THADA: variants seen among roughly 807,000 people sequenced by gnomAD.
THADA encodes tRNA (32-2'-O)-methyltransferase regulator THADA.
Under a neutral mutation model 219.8 loss-of-function variants are expected in THADA, and 213 were observed. The ratio of observed to expected loss-of-function variants is 0.97; its 90% CI spans 0.87 to 1.09. The LOEUF is 1.09. Among genes scored for constraint, THADA ranks in the 50% least tolerant of loss-of-function variants. The pLI is 0.00. For missense variants in THADA, 2,956 were observed against 2,311.3 expected (o/e 1.28, Z -5.72); for synonymous variants, 1,018 against 828.9 (o/e 1.23, Z -3.92).
rs966525133 is a variant in THADA, at chr2:43,320,557, C to T, written c.4344-17G>A. The T allele has an allele frequency of 6.9e-6, 11 of 1,589,734 alleles. No homozygotes were observed. The highest frequency in any genetic ancestry group is 9.5e-6 in the Non-Finnish European group (11 of 1,162,066). On this transcript the variant is annotated splice_polypyrimidine_tract_variant and intron_variant, in intron 30 of 37. Coordinates refer to ENST00000405975, the MANE Select transcript of THADA (RefSeq NM_022065.5). Reference sequence around the variant, plus strand: ...GGATTTTGCCTAGAAAGGTAAAGAACAGAATATAAATTGAGATTTTCTCTC... The same window carrying T: ...GGATTTTGCCTAGAAAGGTAAAGAATAGAATATAAATTGAGATTTTCTCTC...
At chr2:43,527,854 G>T in intron 22 of THADA, 25 bp downstream of exon 22, 5 of 1,497,826 alleles carry the variant, frequency 3.3e-6, no homozygotes, top group East Asian at 2.3e-5. Flanking sequence ...TTTTTAAAAC[G>T]TACACAAAAG....
At chr2:43,499,026 TA>T in intron 24 of THADA, 71 bp from the exon 25 acceptor site, 1 of 1,442,904 alleles carries the variant, frequency 6.9e-7, no homozygotes, top group Non-Finnish European at 9.2e-7. Flanking sequence ...ACATATCCAA[TA>T]GTACAGCTTC....
At chr2:43,488,443 A>G (rs1687179414) in intron 25 of THADA, among the ~76,000 whole-genome samples, 1 of 152,070 alleles carries the variant, frequency 6.6e-6, no homozygotes, top group South Asian at 2.1e-4. Flanking sequence ...TGCGGCCTTT[A>G]ATGTTTGGCT....
chr2:43,348,429 ATACT>A (rs1404347939), intron 29 of THADA, among the ~76,000 whole-genome samples: 3 of 152,250 alleles, frequency 2.0e-5, no homozygotes, highest in Non-Finnish European at 4.4e-5. Context: ...AAAAAATAAA[ATACT>A]TACTGAACCC....
At chr2:43,416,442 G>C (rs2104775383) in intron 28 of THADA, among the ~76,000 whole-genome samples, 1 of 152,268 alleles carries the variant, frequency 6.6e-6, no homozygotes, top group Non-Finnish European at 1.5e-5. Flanking sequence ...TATATATTTT[G>C]TTAATGCTCC....
intron 19 of THADA, among the ~76,000 whole-genome samples, chr2:43,551,372 T>C (rs1048786193): frequency 2.6e-5 from 4 of 152,164 alleles, no homozygotes; most frequent in Non-Finnish European, 5.9e-5. Context: ...AATATCTGCA[T>C]TGTACTTAAT....
intron 31 of THADA, among the ~76,000 whole-genome samples, chr2:43,295,831 AG>A (rs1254295100): frequency 6.6e-6 from 1 of 152,020 alleles, no homozygotes; most frequent in Non-Finnish European, 1.5e-5. Flanking sequence ...AGTCTGTCAC[AG>A]GGGGCAAAAT....
chr2:43,541,311 C>G lies in THADA; in HGVS notation c.3112G>C (p.Glu1038Gln). The change falls in exon 21 of 38, where the codon GAA (glutamate) becomes CAA (glutamine). Residue 1038 changes from glutamate (E) to glutamine (Q), a missense_variant. Glu to Gln is a conservative substitution (Grantham distance 29). Coordinates refer to ENST00000405975, the MANE Select transcript of THADA (RefSeq NM_022065.5). ...IDTSTEIKGK[E>Q]VKTCDVTAQM... ...GCAGTTACATCACATGTTTTTACTT[C>G]TTTACCTTAAACAAAAAAAAACACA... The G allele has an allele frequency of 1.2e-6, 2 of 1,612,690 alleles. No individual in the cohort carries two copies. Among genetic ancestry groups the G allele is most frequent in the Non-Finnish European group, 1.7e-6 (2 of 1,179,360 alleles).
At chr2:43,573,091 T>A (rs1699480970) in intron 11 of THADA, 99 bp from the exon 12 acceptor site, 1 of 981,046 alleles carries the variant, frequency 1.0e-6, no homozygotes, top group Non-Finnish European at 1.4e-6. Context: ...TTTATTTCAA[T>A]AAATAAAAAT....
chr2:43,579,846 G>A (rs538866501), intron 8 of THADA, among the ~76,000 whole-genome samples: 2 of 152,214 alleles, frequency 1.3e-5, no homozygotes, highest in South Asian at 2.1e-4. Flanking sequence ...GAAAATGTGT[G>A]GGTCGTACAC....
At chr2:43,312,565 T>C (rs1677633970) in intron 31 of THADA, among the ~76,000 whole-genome samples, 1 of 152,192 alleles carries the variant, frequency 6.6e-6, no homozygotes, top group Non-Finnish European at 1.5e-5. Context: ...ACATACCCTA[T>C]ATTATTCTGA....
chr2:43,367,632 G>A (rs11691969), intron 29 of THADA, among the ~76,000 whole-genome samples: 12,020 of 152,232 alleles, frequency 0.079, 613 homozygotes, highest in South Asian at 0.18. Context: ...ACCAAGGTCT[G>A]TCATTAGAGG....
chr2:43,410,293 T>G (rs1476989296), intron 28 of THADA, among the ~76,000 whole-genome samples: 1 of 152,168 alleles, frequency 6.6e-6, no homozygotes, highest in East Asian at 1.9e-4. Flanking sequence ...ACTCTACTAG[T>G]GGGAATGTAT....
chr2:43,267,688 A>G (rs142088009), intron 36 of THADA, among the ~76,000 whole-genome samples: 54 of 152,274 alleles, frequency 3.5e-4, no homozygotes, highest in Admixed American at 9.1e-4. Context: ...TGGCACTGCC[A>G]TCTGGGGCCA....
intron 30 of THADA, chr2:43,343,461 A>T (rs1288425177): frequency 1.3e-5 from 2 of 152,238 alleles, no homozygotes; most frequent in African/African-American, 4.8e-5. Flanking sequence ...TTTGCAGTTA[A>T]CACTATCCTA....
intron 22 of THADA, among the ~76,000 whole-genome samples, chr2:43,525,261 G>C (rs1645718336): frequency 6.6e-6 from 1 of 152,150 alleles, no homozygotes; most frequent in Non-Finnish European, 1.5e-5. Flanking sequence ...ACATTCAGTT[G>C]GTTCATGTGG....
intron 22 of THADA, among the ~76,000 whole-genome samples, chr2:43,515,301 ATG>A (rs1354749986): frequency 9.9e-5 from 4 of 40,242 alleles, no homozygotes; most frequent in Non-Finnish European, 1.6e-4. Flanking sequence ...AATATATAAT[ATG>A]TAATATATAA....
intron 22 of THADA, among the ~76,000 whole-genome samples, chr2:43,518,275 G>A (rs1448128418): frequency 6.6e-6 from 1 of 152,134 alleles, no homozygotes; most frequent in Non-Finnish European, 1.5e-5. Flanking sequence ...GACAAAGAAA[G>A]AGGGTATAAT....
At chr2:43,477,948 G>A (rs1467042941) in intron 26 of THADA, among the ~76,000 whole-genome samples, 1 of 152,116 alleles carries the variant, frequency 6.6e-6, no homozygotes, top group Non-Finnish European at 1.5e-5. Flanking sequence ...TTGAAATCCT[G>A]ACCATCCTTT....
Sources: allele counts gnomAD v4.1 joint callset (sites outside exome capture counted in the v4.1 genomes callset), GRCh38; gene constraint gnomAD v4.1.1; transcripts MANE v1.5; gene names NCBI Gene and HGNC (gene_info 2026-07-23, HGNC 2026-07-21).